Variants in OSBPL1A observed in about 807,000 individuals in gnomAD.
OSBPL1A encodes oxysterol binding protein like 1A.
Under a neutral mutation model 137.1 loss-of-function variants are expected in OSBPL1A, and 80 were observed. That is an observed-to-expected ratio of 0.58 (90% CI 0.49 to 0.70). OSBPL1A has a LOEUF of 0.70. Among genes scored for constraint, OSBPL1A ranks in the 30% least tolerant of loss-of-function variants. The pLI is 0.00. For missense variants in OSBPL1A, 970 were observed against 1,129.4 expected (o/e 0.86, Z 2.02); for synonymous variants, 365 against 389.7 (o/e 0.94, Z 0.75).
rs1399246490 is a variant in OSBPL1A at position 24,324,547 on chromosome 18, A to C, written c.626-5738T>G. Among the ~76,000 whole-genome samples, 4 of 62,086 alleles carry C rather than the reference A, an allele frequency of 6.4e-5. 1 individual carries two copies. Among genetic ancestry groups the C allele is most frequent in the Non-Finnish European group, 1.3e-4 (4 of 31,710 alleles). 40.7% of individuals were successfully genotyped at this position (62,086 alleles called of 152,430 possible). On this transcript the variant is annotated intron_variant, in intron 7 of 27. Transcript: ENST00000319481. ...CAATTCCCTCACCCATAGATAACTC[A>C]CGTGTATACATTGGTGCGTATTTCC...
At chr18:24,335,925 G>A (rs757371125) in intron 5 of OSBPL1A, among the ~76,000 whole-genome samples, 1 of 152,128 alleles carries the variant, frequency 6.6e-6, no homozygotes, top group Non-Finnish European at 1.5e-5. Flanking sequence ...TCCACACCCA[G>A]ACTCTACCTC....
In OSBPL1A at chr18:24,362,650, TCAA is replaced by T. The variant is rs143575180; in HGVS notation, c.282+4239_282+4241del. ...CTTTAGGTATCATGTTGGACTATGGTCAACAACTAGAATATACAAGAAATACAC... is the reference window on the plus strand; with the variant it reads ...CTTTAGGTATCATGTTGGACTATGGTCAACTAGAATATACAAGAAATACAC... On this transcript the variant is annotated intron_variant, in intron 4 of 27. Coordinates refer to ENST00000319481, the MANE Select transcript of OSBPL1A (RefSeq NM_080597.4). Among the ~76,000 whole-genome samples the T allele has an allele frequency of 5.0e-3, 759 of 152,340 alleles. 6 individuals carry two copies. The highest frequency in any genetic ancestry group is 0.017 in the African/African-American group (726 of 41,578).
chr18:24,240,071 G>A (rs2088640787), intron 15 of OSBPL1A, among the ~76,000 whole-genome samples: 2 of 151,612 alleles, frequency 1.3e-5, no homozygotes, highest in South Asian at 4.2e-4. Flanking sequence ...TTACAGTTGT[G>A]CACCACCACA....
At chr18:24,233,430 A>C (rs1301619534) in intron 16 of OSBPL1A, among the ~76,000 whole-genome samples, 1 of 152,170 alleles carries the variant, frequency 6.6e-6, no homozygotes, top group East Asian at 1.9e-4. Flanking sequence ...AAAGTGGTGA[A>C]TATAGATGCA....
At chr18:24,229,302 A>C (rs1436919241) in intron 16 of OSBPL1A, among the ~76,000 whole-genome samples, 1 of 152,226 alleles carries the variant, frequency 6.6e-6, no homozygotes, top group Admixed American at 6.5e-5. Flanking sequence ...ACTAGAGAGG[A>C]ATCATAAACT....
In OSBPL1A at chr18:24,271,754, A is replaced by G. The variant is rs1349653105; in HGVS notation, c.1281+9088T>C. 5.1e-6 allele frequency: 5 copies of G among 985,234 alleles called. No individual in the cohort carries two copies. The East Asian group carries it at 5.7e-4, about 112-fold the overall frequency. 61.0% of individuals were successfully genotyped at this position (985,234 alleles called of 1,614,324 possible). Reference sequence around the variant, plus strand: ...GAGGCGAGCCGATCCGGGAGGCGCGACCCAGGGCGGCCCGCAAGGTCTCCC... The same window carrying G: ...GAGGCGAGCCGATCCGGGAGGCGCGGCCCAGGGCGGCCCGCAAGGTCTCCC... On this transcript the variant is annotated intron_variant, in intron 15 of 27. Transcript: ENST00000319481. The surrounding 1 kb of genome is among the most constrained non-coding windows in gnomAD (Gnocchi z 4.0).
intron 15 of OSBPL1A, among the ~76,000 whole-genome samples, chr18:24,242,177 G>A (rs2088719602): frequency 6.6e-6 from 1 of 151,810 alleles, no homozygotes; most frequent in Non-Finnish European, 1.5e-5. Context: ...TCCTAACGCA[G>A]ATGACAGGTT....
chr18:24,376,174 C>T (rs1252114218), intron 2 of OSBPL1A, among the ~76,000 whole-genome samples: 1 of 152,186 alleles, frequency 6.6e-6, no homozygotes, highest in Non-Finnish European at 1.5e-5. Context: ...TGTCTGGCCC[C>T]ACCCACATCC....
intron 15 of OSBPL1A, among the ~76,000 whole-genome samples, chr18:24,256,860 T>C (rs561010777): frequency 4.1e-4 from 60 of 146,176 alleles, no homozygotes; most frequent in African/African-American, 1.4e-3. Context: ...CCATTTACAA[T>C]AGCCACACAT....
intron 15 of OSBPL1A, among the ~76,000 whole-genome samples, chr18:24,242,244 C>G (rs1179379742): frequency 6.7e-6 from 1 of 150,052 alleles, no homozygotes; most frequent in East Asian, 2.0e-4. Context: ...TATATATATG[C>G]AGAACACTGC....
intron 7 of OSBPL1A, among the ~76,000 whole-genome samples, chr18:24,328,838 C>A (rs2091025337): frequency 6.6e-6 from 1 of 152,152 alleles, no homozygotes; most frequent in African/African-American, 2.4e-5. Flanking sequence ...TAAGATCTCA[C>A]TGATAATTAC....
At chr18:24,343,950 AAAACTTCATC>A (rs1252159021) in intron 4 of OSBPL1A, among the ~76,000 whole-genome samples, 26 of 152,196 alleles carry the variant, frequency 1.7e-4, no homozygotes, top group African/African-American at 4.8e-4. Context: ...CAAAAAATGA[AAAACTTCATC>A]AAACTTTAAC....
Position 24,271,855 on chromosome 18 carries a change from A to C in OSBPL1A, c.1281+8987T>G. On this transcript the variant is annotated intron_variant, in intron 15 of 27. Transcript: ENST00000319481. This position sits in a 1 kb window ranked among gnomAD's most constrained non-coding sequence, Gnocchi z 4.0. ...AGCCTTCCCCAGCGAGGTCGGGCAG[A>C]GGCGTTGCCCGCCAGCGGCCCAGGA... The C allele has an allele frequency of 5.1e-6, 5 of 985,198 alleles. No individual in the cohort carries two copies. The highest frequency in any genetic ancestry group is 6.0e-6 in the Non-Finnish European group (5 of 829,918). 61.0% of individuals were successfully genotyped at this position (985,198 alleles called of 1,614,324 possible).
chr18:24,314,399 C>A (rs1052450357), intron 11 of OSBPL1A, 52 bp from the exon 12 acceptor site: 1 of 1,240,644 alleles, frequency 8.1e-7, no homozygotes, highest in Admixed American at 2.2e-5. Context: ...AAAAGAGGAC[C>A]CTAAAATTAT....
chr18:24,377,610 A>C, intron 1 of OSBPL1A, 75 bp from the exon 2 acceptor site: 2 of 1,378,214 alleles, frequency 1.5e-6, no homozygotes, highest in Non-Finnish European at 1.9e-6. Context: ...GCTAATACAG[A>C]AAGGGGAAAG....
At chr18:24,359,204 C>T (rs1314843106) in intron 4 of OSBPL1A, among the ~76,000 whole-genome samples, 4 of 151,576 alleles carry the variant, frequency 2.6e-5, no homozygotes, top group South Asian at 4.2e-4. Context: ...GGCGACAGAG[C>T]GAGACCCTGT....
chr18:24,176,492 A>C (rs1056311732), intron 21 of OSBPL1A, among the ~76,000 whole-genome samples: 1 of 151,240 alleles, frequency 6.6e-6, no homozygotes, highest in African/African-American at 2.4e-5. Context: ...TTTTTGGCTA[A>C]AATGTCTTTT....
chr18:24,187,517 C>G (rs1057351299), intron 18 of OSBPL1A, among the ~76,000 whole-genome samples: 1 of 152,158 alleles, frequency 6.6e-6, no homozygotes, highest in African/African-American at 2.4e-5. Flanking sequence ...AAGTCCCTAA[C>G]CTCTCCCCAT....
intron 4 of OSBPL1A, among the ~76,000 whole-genome samples, chr18:24,360,968 T>C (rs1252187397): frequency 1.3e-5 from 2 of 152,238 alleles, no homozygotes; most frequent in Admixed American, 6.5e-5. Flanking sequence ...AATGTATGAA[T>C]AGCTCACATT....
Sources: allele counts gnomAD v4.1 joint callset (sites outside exome capture counted in the v4.1 genomes callset), GRCh38; gene constraint gnomAD v4.1.1; non-coding constraint Gnocchi (gnomAD v3.1); transcripts MANE v1.5; gene names NCBI Gene and HGNC (gene_info 2026-07-23, HGNC 2026-07-21).